The following ATXN8OS variants were observed in gnomAD, a reference collection of about 807,000 sequenced individuals.
ATXN8OS encodes ATXN8 opposite strand lncRNA, also known as ATXN8 opposite strand (non-protein coding).
At chr13:70,114,350 T>C (rs1888244297) in intron 1 of ATXN8OS, among the ~76,000 whole-genome samples, 1 of 152,146 alleles carries the variant, frequency 6.6e-6, no homozygotes, top group Non-Finnish European at 1.5e-5. Context: ...AAATTCTCTT[T>C]CTTTATTGCT....
chr13:70,160,032 T>G (rs1888984860), intron 4 of ATXN8OS, among the ~76,000 whole-genome samples: 1 of 152,204 alleles, frequency 6.6e-6, no homozygotes. Context: ...GTTATTTATC[T>G]AGGGTGGATA....
chr13:70,168,307 G>A (rs1889102134), intron 4 of ATXN8OS, among the ~76,000 whole-genome samples: 1 of 152,034 alleles, frequency 6.6e-6, no homozygotes, highest in South Asian at 2.1e-4. Flanking sequence ...TAATGATCAA[G>A]TCAGGGGATT....
intron 2 of ATXN8OS, among the ~76,000 whole-genome samples, chr13:70,124,764 C>A (rs995926078): frequency 2.0e-5 from 3 of 151,994 alleles, no homozygotes; most frequent in Admixed American, 1.3e-4. Context: ...CCACTAATTA[C>A]TGAAGATATA....
chr13:70,157,536 A>C (rs1310417882), intron 4 of ATXN8OS, among the ~76,000 whole-genome samples: 1 of 146,830 alleles, frequency 6.8e-6, no homozygotes, highest in Non-Finnish European at 1.5e-5. Flanking sequence ...TGTTTCCTGC[A>C]CTTCTTTTAC....
At chr13:70,138,107 G>T (rs665100) in intron 3 of ATXN8OS, among the ~76,000 whole-genome samples, 8,492 of 152,178 alleles carry the variant, frequency 0.056, 829 homozygotes, top group African/African-American at 0.19. Context: ...TCCAACATTG[G>T]GGCTTACAAT....
rs78191279 is a variant in ATXN8OS at position 70,152,359 on chromosome 13, G to A, written n.573+4931G>A. 3.5e-5 allele frequency among the ~76,000 whole-genome samples: 4 copies of A among 113,764 alleles called. No individual in the cohort carries two copies. In the East Asian group the frequency reaches 1.0e-3, roughly 29 times the overall value. The allele number at this position is 113,764 out of a possible 152,430, so 74.6% of individuals were successfully genotyped here. A position where few individuals can be genotyped will look rare whatever the true frequency, so the allele number is the denominator to read the frequency against. On this transcript the variant is annotated intron_variant and non_coding_transcript_variant, in intron 4 of 4. Transcript: ENST00000678624. ...GTACACTCTGTACCTGTGTGTGTGT[G>A]TATATATACATATATATGTATACAT... is the stretch of plus-strand genomic sequence containing the variant.
chr13:70,166,560 C>A (rs1889078114), intron 4 of ATXN8OS, among the ~76,000 whole-genome samples: 1 of 151,968 alleles, frequency 6.6e-6, no homozygotes, highest in Non-Finnish European at 1.5e-5. Context: ...ACCATAAAAA[C>A]CCTAGAAGAA....
At chr13:70,146,655 A>C (rs1888790191) in intron 3 of ATXN8OS, among the ~76,000 whole-genome samples, 1 of 151,976 alleles carries the variant, frequency 6.6e-6, no homozygotes, top group South Asian at 2.1e-4. Flanking sequence ...TCAGCAAACT[A>C]TCACAAGGAC....
At chr13:70,161,403 T>C (rs979082603) in intron 4 of ATXN8OS, among the ~76,000 whole-genome samples, 1 of 152,156 alleles carries the variant, frequency 6.6e-6, no homozygotes, top group Non-Finnish European at 1.5e-5. Context: ...TTTTTGTTAG[T>C]AGATGTCAGG....
intron 4 of ATXN8OS, among the ~76,000 whole-genome samples, chr13:70,155,458 T>C (rs552710925): frequency 6.6e-6 from 1 of 152,304 alleles, no homozygotes; most frequent in East Asian, 1.9e-4. Flanking sequence ...TCCATTGCCA[T>C]ATTAAGAGTT....
intron 1 of ATXN8OS, among the ~76,000 whole-genome samples, chr13:70,108,823 T>A (rs1888149798): frequency 6.6e-6 from 1 of 152,184 alleles, no homozygotes; most frequent in Non-Finnish European, 1.5e-5. Context: ...AGTTTCTCTG[T>A]AGTGAGACAC....
intron 4 of ATXN8OS, among the ~76,000 whole-genome samples, chr13:70,158,376 C>T (rs1030129209): frequency 6.6e-6 from 1 of 152,170 alleles, no homozygotes; most frequent in Admixed American, 6.5e-5. Context: ...CAAGATTACG[C>T]CACTGCACTC....
intron 4 of ATXN8OS, among the ~76,000 whole-genome samples, chr13:70,158,865 T>G (rs918901358): frequency 1.3e-5 from 2 of 152,174 alleles, no homozygotes; most frequent in Non-Finnish European, 2.9e-5. Flanking sequence ...GAGGGCCAGA[T>G]TTAGTTCATG....
At chr13:70,127,224 T>C (rs1055255919) in intron 2 of ATXN8OS, among the ~76,000 whole-genome samples, 6 of 152,012 alleles carry the variant, frequency 3.9e-5, no homozygotes, top group African/African-American at 1.4e-4. Flanking sequence ...ATCCTTAAAA[T>C]AGCTATGACC....
chr13:70,139,183 C>T (rs1409789750), intron 3 of ATXN8OS: 3 of 411,576 alleles, frequency 7.3e-6, no homozygotes, highest in Non-Finnish European at 1.3e-5. Context: ...ACTTCTGAGA[C>T]ATTCTATAGT....
At chr13:70,109,245 C>T (rs1473941929) in intron 1 of ATXN8OS, among the ~76,000 whole-genome samples, 1 of 152,220 alleles carries the variant, frequency 6.6e-6, no homozygotes, top group African/African-American at 2.4e-5. Context: ...GGATTGCGAT[C>T]ACTTTCAGTA....
At position 70,165,109 on chromosome 13, in the gene ATXN8OS, C is replaced by G. The variant is rs1029980358; in HGVS notation, n.574-4644C>G. ...ACAGTGGCTTAAGAAAGAAATTACACAAAACTAGTAAGATCAATTTTGAGC... is the reference window on the plus strand; with the variant it reads ...ACAGTGGCTTAAGAAAGAAATTACAGAAAACTAGTAAGATCAATTTTGAGC... On this transcript the variant is annotated intron_variant and non_coding_transcript_variant, in intron 4 of 4. Transcript: ENST00000678624. Among the ~76,000 whole-genome samples, 18 of 151,716 alleles carry G rather than the reference C, an allele frequency of 1.2e-4. 2 individuals are homozygous for G. Among genetic ancestry groups the G allele is most frequent in the Admixed American group, 3.3e-4 (5 of 15,200 alleles).
intron 1 of ATXN8OS, among the ~76,000 whole-genome samples, chr13:70,113,552 C>T (rs1224594504): frequency 6.6e-6 from 1 of 152,006 alleles, no homozygotes; most frequent in African/African-American, 2.4e-5. Flanking sequence ...TCCCCTGAAA[C>T]TTTAATCAGG....
chr13:70,125,921 G>A (rs1888426964), intron 2 of ATXN8OS, among the ~76,000 whole-genome samples: 1 of 152,106 alleles, frequency 6.6e-6, no homozygotes, highest in Admixed American at 6.6e-5. Context: ...GAGGAGGGCA[G>A]AGGGACAGGG....
Sources: gnomAD v4.1 joint callset for allele counts (sites outside exome capture counted in the v4.1 genomes callset) on GRCh38, gnomAD v4.1.1 for gene constraint, MANE v1.5 for transcripts, NCBI Gene and HGNC (gene_info 2026-07-23, HGNC 2026-07-21) for gene names.